Variants in DYM observed in about 807,000 individuals in gnomAD.
DYM encodes the protein dymeclin, also known as dyggve-Melchior-Clausen syndrome protein.
A neutral mutation model predicts 93.1 loss-of-function variants in DYM; 78 were observed. The ratio of observed to expected loss-of-function variants is 0.84; its 90% confidence interval spans 0.70 to 1.01. DYM has a LOEUF of 1.01. Ranked by LOEUF, DYM falls within the 50% of genes least tolerant of loss-of-function variation. DYM has a pLI of 0.00. For synonymous variants in DYM, 321 were observed against 319.7 expected (o/e 1.00, Z -0.04); for missense variants, 789 against 845.0 (o/e 0.93, Z 0.82).
chr18:49,283,593 A>G (rs2095046283), intron 9 of DYM, among the ~76,000 whole-genome samples: 1 of 152,194 alleles, frequency 6.6e-6, no homozygotes, highest in South Asian at 2.1e-4. Context: ...AAGAAGATAA[A>G]GATAAGTTCA....
intron 17 of DYM, among the ~76,000 whole-genome samples, chr18:49,076,949 T>C (rs893055837): frequency 6.6e-6 from 1 of 152,172 alleles, no homozygotes; most frequent in African/African-American, 2.4e-5. Flanking sequence ...AACCATAAAT[T>C]AGCTCTTGTC....
At chr18:49,361,821 G>T (rs1312718040) in intron 6 of DYM, among the ~76,000 whole-genome samples, 2 of 152,052 alleles carry the variant, frequency 1.3e-5, no homozygotes, top group Non-Finnish European at 2.9e-5. Context: ...CCCGACCTTG[G>T]TCCAAACGAT....
intron 13 of DYM, among the ~76,000 whole-genome samples, chr18:49,216,318 G>A (rs903632971): frequency 6.6e-6 from 1 of 152,216 alleles, no homozygotes; most frequent in African/African-American, 2.4e-5. Flanking sequence ...CCACCTCTGG[G>A]GGCAAGGCAC....
At chr18:49,113,717 G>C (rs924338038) in intron 16 of DYM, among the ~76,000 whole-genome samples, 1 of 152,156 alleles carries the variant, frequency 6.6e-6, no homozygotes, top group African/African-American at 2.4e-5. Flanking sequence ...AGGGATCTTT[G>C]GGGGATAGAT....
At chr18:49,431,251 C>T (rs2080295020) in intron 1 of DYM, among the ~76,000 whole-genome samples, 1 of 152,228 alleles carries the variant, frequency 6.6e-6, no homozygotes, top group South Asian at 2.1e-4. Flanking sequence ...TTTAATGTTT[C>T]TGTCATTCTG....
intron 13 of DYM, among the ~76,000 whole-genome samples, chr18:49,211,896 G>T (rs2092802689): frequency 6.6e-6 from 1 of 152,114 alleles, no homozygotes; most frequent in Admixed American, 6.5e-5. Context: ...AGGATTCTAG[G>T]ACTCCATCTA....
At chr18:49,459,910 C>A (rs1318055578) in intron 1 of DYM, among the ~76,000 whole-genome samples, 1 of 138,216 alleles carries the variant, frequency 7.2e-6, no homozygotes, top group African/African-American at 2.8e-5. Flanking sequence ...GTACGAGCTT[C>A]TTTGGGGCGG....
At chr18:49,238,707 G>T (rs568373214) in intron 13 of DYM, among the ~76,000 whole-genome samples, 15 of 151,586 alleles carry the variant, frequency 9.9e-5, no homozygotes, top group Non-Finnish European at 1.9e-4. Context: ...CAGCTGAATC[G>T]CTTGAACCCA....
chr18:49,228,773 A>C (rs556315209), intron 13 of DYM, among the ~76,000 whole-genome samples: 1 of 152,246 alleles, frequency 6.6e-6, no homozygotes, highest in South Asian at 2.1e-4. Flanking sequence ...AGGTGCAATG[A>C]AAGAGATCAT....
intron 1 of DYM, among the ~76,000 whole-genome samples, chr18:49,448,779 A>G (rs1168956744): frequency 1.3e-5 from 2 of 152,210 alleles, no homozygotes; most frequent in Non-Finnish European, 2.9e-5. Context: ...ATTCTGAAGC[A>G]CAAGGATTTC....
At chr18:49,049,947 G>T (rs1370273678) in intron 17 of DYM, among the ~76,000 whole-genome samples, 2 of 152,150 alleles carry the variant, frequency 1.3e-5, no homozygotes, top group Admixed American at 6.5e-5. Context: ...GAACAAAGCT[G>T]TTTCAGTAAG....
chr18:49,075,161 T>A (rs1373233076), intron 17 of DYM, among the ~76,000 whole-genome samples: 2 of 152,148 alleles, frequency 1.3e-5, no homozygotes, highest in African/African-American at 2.4e-5. Flanking sequence ...TAAGGACCCA[T>A]AACCCTAAGG....
intron 13 of DYM, among the ~76,000 whole-genome samples, chr18:49,247,249 G>A (rs1294059910): frequency 6.6e-6 from 1 of 152,162 alleles, no homozygotes; most frequent in Non-Finnish European, 1.5e-5. Flanking sequence ...ATGTTGCCCT[G>A]TGGGTATGGG....
At chr18:49,189,635 A>T (rs1391237770) in intron 14 of DYM, among the ~76,000 whole-genome samples, 1 of 152,250 alleles carries the variant, frequency 6.6e-6, no homozygotes, top group Non-Finnish European at 1.5e-5. Flanking sequence ...CTTTGTAACC[A>T]GTGCCTCTTA....
chr18:49,382,351 A>G (rs1230204667), intron 3 of DYM, among the ~76,000 whole-genome samples: 4 of 152,226 alleles, frequency 2.6e-5, no homozygotes, highest in South Asian at 2.1e-4. Flanking sequence ...AAGACAGTTA[A>G]AAAGTTTCCA....
chr18:49,138,169 C>G (rs1356330693), intron 15 of DYM, among the ~76,000 whole-genome samples: 1 of 152,016 alleles, frequency 6.6e-6, no homozygotes, highest in Admixed American at 6.6e-5. Flanking sequence ...GGTTATTATT[C>G]AATAGTCACT....
chr18:49,062,270 C>G (rs745694487), intron 17 of DYM, among the ~76,000 whole-genome samples: 5 of 152,182 alleles, frequency 3.3e-5, no homozygotes, highest in Non-Finnish European at 7.3e-5. Context: ...CCCTATAAAT[C>G]TTACAAAACT....
intron 2 of DYM, among the ~76,000 whole-genome samples, chr18:49,413,968 C>G (rs1430740939): frequency 6.6e-6 from 1 of 152,058 alleles, no homozygotes; most frequent in African/African-American, 2.4e-5. Context: ...CAAAATCACG[C>G]CACTGCACTC....
intron 6 of DYM, among the ~76,000 whole-genome samples, chr18:49,356,002 T>G (rs2065531924): frequency 6.6e-6 from 1 of 152,116 alleles, no homozygotes; most frequent in Non-Finnish European, 1.5e-5. Flanking sequence ...GCAATGTGAT[T>G]TTGTCTCCAA....
Sources: gnomAD v4.1 joint callset for allele counts (sites outside exome capture counted in the v4.1 genomes callset) on GRCh38, gnomAD v4.1.1 for gene constraint, MANE v1.5 for transcripts, NCBI Gene and HGNC (gene_info 2026-07-23, HGNC 2026-07-21) for gene names.